Variants in JCAD observed in about 807,000 individuals in gnomAD.
JCAD encodes the protein junctional cadherin 5-associated protein.
JCAD carries 40 observed loss-of-function variants against 98.0 expected under a neutral mutation model. That is an observed-to-expected ratio of 0.41 (90% CI 0.32 to 0.53). The LOEUF (loss-of-function observed/expected upper bound fraction) is 0.53, where lower values mean the gene tolerates loss of function less well. Ranked by LOEUF, JCAD falls within the 20% of genes least tolerant of loss-of-function variation. The probability of loss-of-function intolerance (pLI) is 0.31; values close to 1 mark genes in which losing one functional copy is unlikely to be tolerated. For missense variants in JCAD, 1,705 were observed against 1,738.1 expected, an observed-to-expected ratio of 0.98 and a Z score of 0.34; for synonymous variants, 691 against 682.3, an observed-to-expected ratio of 1.01 and a Z score of -0.20.
At chr10:30,098,855 C>T (rs1006684896) in intron 1 of JCAD, among the ~76,000 whole-genome samples, 3 of 152,220 alleles carry the variant, frequency 2.0e-5, no homozygotes, top group Admixed American at 6.5e-5. Flanking sequence ...CCAAAAACTT[C>T]CTGATTTTTT....
chr10:30,042,571 G>A (rs1397380830), intron 2 of JCAD, among the ~76,000 whole-genome samples: 2 of 152,184 alleles, frequency 1.3e-5, no homozygotes, highest in East Asian at 1.9e-4. Context: ...GGGAAGGGAA[G>A]AGGAGCAAAA....
chr10:30,104,712 CT>C (rs1443437724), intron 1 of JCAD, among the ~76,000 whole-genome samples: 1 of 151,956 alleles, frequency 6.6e-6, no homozygotes, highest in Non-Finnish European at 1.5e-5. Context: ...TATGTAGCCC[CT>C]GAATCTAAAA....
At chr10:30,053,467 G>GGGA (rs1401891063) in intron 1 of JCAD, among the ~76,000 whole-genome samples, 2 of 151,778 alleles carry the variant, frequency 1.3e-5, no homozygotes, top group Non-Finnish European at 2.9e-5. Flanking sequence ...AGGCTGAGGT[G>GGGA]GGAGGATCCT....
chr10:30,070,873 G>A (rs912172400), intron 1 of JCAD, among the ~76,000 whole-genome samples: 1 of 152,160 alleles, frequency 6.6e-6, no homozygotes, highest in South Asian at 2.1e-4. Flanking sequence ...ATATGTTAAA[G>A]TATTAATACA....
chr10:30,070,866 T>C (rs995319662), intron 1 of JCAD, among the ~76,000 whole-genome samples: 6 of 152,216 alleles, frequency 3.9e-5, no homozygotes, highest in African/African-American at 1.2e-4. Context: ...GGATTTTATA[T>C]GTTAAAGTAT....
chr10:30,089,513 C>A (rs868763280), intron 1 of JCAD, among the ~76,000 whole-genome samples: 34 of 142,952 alleles, frequency 2.4e-4, no homozygotes, highest in Non-Finnish European at 4.4e-4. Flanking sequence ...ATGCTTCTTC[C>A]GTGTGTGTGT....
chr10:30,056,911 G>A (rs536068524), intron 1 of JCAD, among the ~76,000 whole-genome samples: 70 of 152,250 alleles, frequency 4.6e-4, no homozygotes, highest in African/African-American at 1.5e-3. Context: ...GGCTGCTGGC[G>A]TTTGCAAGTC....
intron 2 of JCAD, among the ~76,000 whole-genome samples, chr10:30,066,076 G>A (rs1837779203): frequency 6.6e-6 from 1 of 152,196 alleles, no homozygotes. Flanking sequence ...AGAGAGGAAT[G>A]GATTGATTGA....
rs146401376 is a variant in JCAD at position 30,026,542 on chromosome 10, T to C, written c.3606A>G (p.Glu1202=). ...GTGGTTTTGTTTCCACATCCTTTTG[T>C]TCGAAGAACTTGGACTCCAAGGGGC... The part of the protein sequence containing the change: ...EPSPLESKFF[E]QKDVETKPPF... Residue 1202 remains glutamate (E), a synonymous_variant, in exon 3 of 4, where the codon GAA becomes GAG. Coordinates refer to ENST00000375377, the MANE Select transcript of JCAD (RefSeq NM_020848.4). The C allele has an allele frequency of 5.1e-5, 82 of 1,614,196 alleles. No individual in the cohort carries two copies. The African/African-American group carries it at 1.0e-3, about 20-fold the overall frequency.
chr10:30,089,551 T>TGTGTGTGTGTG (rs1838226153), intron 1 of JCAD, among the ~76,000 whole-genome samples: 3 of 150,970 alleles, frequency 2.0e-5, no homozygotes, highest in African/African-American at 7.3e-5. Context: ...TGTGTGTGTG[T>TGTGTGTGTGTG]TTGCTACTAA....
intron 2 of JCAD, among the ~76,000 whole-genome samples, chr10:30,035,992 A>G (rs1321714130): frequency 2.6e-5 from 4 of 152,228 alleles, no homozygotes; most frequent in African/African-American, 4.8e-5. Context: ...AGCATGTGAA[A>G]AACAATATGT....
In JCAD at chr10:30,029,837, G is replaced by T. The variant is rs760584361; in HGVS notation, c.311C>A (p.Ser104Tyr). ...GTCGTTACCAGTCGGGGGATGAGAG[G>T]ACCATGCTGAGGGGGGTTGATTACA... is the stretch of plus-strand genomic sequence containing the variant. ...GFCNQPPSAWSSHPPTGNDQA... is the reference protein window; with the variant it reads ...GFCNQPPSAWYSHPPTGNDQA... The change falls in exon 3 of 4, where the codon TCC (serine) becomes TAC (tyrosine). Residue 104 changes from serine to tyrosine, a missense_variant. Physicochemically the swap from Ser to Tyr is moderately radical, Grantham distance 144 (BLOSUM62 -2). Around this residue, in one of 3 missense-constraint regions of JCAD, gnomAD observed 152 missense variants for 148.0 expected, o/e 1.03. Transcript: ENST00000375377. 1.2e-6 allele frequency: 2 copies of T among 1,614,136 alleles called. No individual in the cohort carries two copies. The highest frequency in any genetic ancestry group is 2.2e-5 in the South Asian group (2 of 91,078).
intron 2 of JCAD, among the ~76,000 whole-genome samples, chr10:30,042,685 G>A (rs541805712): frequency 2.0e-5 from 3 of 151,856 alleles, no homozygotes; most frequent in East Asian, 3.9e-4. Context: ...CACAATCCAG[G>A]GGGACACCTT....
intron 1 of JCAD, among the ~76,000 whole-genome samples, chr10:30,050,264 A>G (rs2478834): frequency 0.48 from 71,038 of 147,040 alleles, 17,548 homozygotes; most frequent in Non-Finnish European, 0.54. Context: ...GCCATGAGCC[A>G]AAATCATGCC....
intron 2 of JCAD, among the ~76,000 whole-genome samples, chr10:30,043,626 T>C (rs116823530): frequency 0.01 from 1,593 of 152,270 alleles, 30 homozygotes; most frequent in African/African-American, 0.037. Context: ...CTGAGAGCTG[T>C]CACACGTCCA....
rs1166468458 is a variant in JCAD, at chr10:30,113,135, G to A, written n.128+2232C>T. Among the ~76,000 whole-genome samples the A allele has an allele frequency of 3.9e-5, 6 of 152,148 alleles. No homozygotes were observed. The East Asian group carries it at 1.2e-3, about 29-fold the overall frequency. On this transcript the variant is annotated intron_variant and non_coding_transcript_variant, in intron 1 of 2. Transcript: ENST00000465712. The stretch of plus-strand genomic sequence containing the variant: ...TATTTTGTCACAATTTTTAAGGAGA[G>A]TCAATGAAGGTGGTCATGGGGTTCT...
intron 1 of JCAD, among the ~76,000 whole-genome samples, chr10:30,105,936 C>T (rs982672471): frequency 4.6e-5 from 7 of 151,956 alleles, no homozygotes; most frequent in Admixed American, 3.3e-4. Context: ...TGGTTAAGAC[C>T]CAGCATTAAT....
At chr10:30,076,005 T>C (rs1388622714) in intron 1 of JCAD, among the ~76,000 whole-genome samples, 1 of 152,120 alleles carries the variant, frequency 6.6e-6, no homozygotes, top group Non-Finnish European at 1.5e-5. Flanking sequence ...TACTTCCAAT[T>C]TGTAAATATG....
intron 1 of JCAD, among the ~76,000 whole-genome samples, chr10:30,092,511 A>G (rs1362855405): frequency 6.6e-6 from 1 of 152,110 alleles, no homozygotes; most frequent in Non-Finnish European, 1.5e-5. Flanking sequence ...TTTTTAGTTT[A>G]CCAAACCTGG....
Sources: gnomAD v4.1 joint callset for allele counts (sites outside exome capture counted in the v4.1 genomes callset) on GRCh38, gnomAD v4.1.1 for gene constraint, gnomAD v4.1.1 regional missense constraint, MANE v1.5 for transcripts, NCBI Gene and HGNC (gene_info 2026-07-23, HGNC 2026-07-21) for gene names.